PLEKHM3: variants seen among roughly 807,000 people sequenced by gnomAD.
The protein encoded by PLEKHM3 is pleckstrin homology domain-containing family M member 3.
PLEKHM3 carries 45 observed loss-of-function variants against 81.8 expected under a neutral mutation model. The ratio of observed to expected loss-of-function variants is 0.55; its 90% CI spans 0.43 to 0.71. The LOEUF (loss-of-function observed/expected upper bound fraction) is 0.71, where lower values mean the gene tolerates loss of function less well. PLEKHM3 is among the 30% of genes least tolerant of loss of function. PLEKHM3 has a pLI of 0.00. For missense variants in PLEKHM3, 788 were observed against 924.3 expected, an observed-to-expected ratio of 0.85 and a Z score of 1.91; for synonymous variants, 352 against 356.4, an observed-to-expected ratio of 0.99 and a Z score of 0.14.
At chr2:207,828,808 G>A (rs1421792784) in intron 7 of PLEKHM3, among the ~76,000 whole-genome samples, 1 of 152,180 alleles carries the variant, frequency 6.6e-6, no homozygotes, top group Non-Finnish European at 1.5e-5. Context: ...CATTGAGAAG[G>A]GAATTGGCAG....
At chr2:207,975,498 C>G (rs992376532) in intron 3 of PLEKHM3, among the ~76,000 whole-genome samples, 3 of 144,118 alleles carry the variant, frequency 2.1e-5, no homozygotes, top group African/African-American at 7.7e-5. Context: ...TTTAATGTCA[C>G]AAACTGTGGG....
intron 2 of PLEKHM3, among the ~76,000 whole-genome samples, chr2:207,978,186 C>A (rs1033616487): frequency 1.3e-5 from 2 of 149,542 alleles, no homozygotes; most frequent in East Asian, 3.9e-4. Context: ...CGTGCAACAT[C>A]AACGTGAGAT....
Position 208,001,238 on chromosome 2 carries a change from A to T in PLEKHM3, c.402T>A (p.Asn134Lys). The change falls in exon 2 of 8, where the codon AAT becomes AAA. Residue 134 changes from asparagine to lysine, a missense_variant. By Grantham distance (94) the Asn-to-Lys change is moderately conservative. Coordinates refer to ENST00000427836, the MANE Select transcript of PLEKHM3 (RefSeq NM_001080475.3). ...AAGTTGAGGTCTCATCCAGTAAGTC[A>T]TTTACAGAACGAGGCCGGTCCCTCC... Reference protein sequence around the residue: ...QRRRDRPRSVNDLLDETSTFK... With the variant: ...QRRRDRPRSVKDLLDETSTFK... The T allele has an allele frequency of 6.2e-7, 1 of 1,614,170 alleles. No homozygotes were observed. Among genetic ancestry groups the T allele is most frequent in the Non-Finnish European group, 8.5e-7 (1 of 1,180,020 alleles).
At chr2:207,891,713 GC>G (rs1688065552) in intron 6 of PLEKHM3, among the ~76,000 whole-genome samples, 1 of 152,110 alleles carries the variant, frequency 6.6e-6, no homozygotes, top group Non-Finnish European at 1.5e-5. Context: ...TGAACAGATA[GC>G]CCCCTTTTAG....
chr2:207,885,169 A>G (rs1687849924), intron 6 of PLEKHM3, among the ~76,000 whole-genome samples: 2 of 152,220 alleles, frequency 1.3e-5, no homozygotes, highest in Non-Finnish European at 2.9e-5. Context: ...TTTGGTCTGA[A>G]AGCTCTGACT....
chr2:207,985,050 T>C (rs530737377), intron 2 of PLEKHM3, among the ~76,000 whole-genome samples: 1 of 152,220 alleles, frequency 6.6e-6, no homozygotes, highest in East Asian at 1.9e-4. Context: ...TTAAGATAAT[T>C]AGGGGGTTCA....
chr2:207,919,844 A>G (rs1184307851), intron 5 of PLEKHM3, among the ~76,000 whole-genome samples: 1 of 152,116 alleles, frequency 6.6e-6, no homozygotes, highest in African/African-American at 2.4e-5. Flanking sequence ...AAGGAGGGGG[A>G]AGGCAGTCTT....
At chr2:207,956,515 C>A (rs1254596059) in intron 3 of PLEKHM3, among the ~76,000 whole-genome samples, 2 of 151,502 alleles carry the variant, frequency 1.3e-5, no homozygotes, top group Non-Finnish European at 2.9e-5. Flanking sequence ...GAGTTTGAAG[C>A]AGAGTAGCAA....
At chr2:207,848,963 T>C (rs1459937909) in intron 7 of PLEKHM3, among the ~76,000 whole-genome samples, 1 of 152,220 alleles carries the variant, frequency 6.6e-6, no homozygotes, top group Non-Finnish European at 1.5e-5. Context: ...TAAACCCTGT[T>C]AGAAGCTCAT....
intron 1 of PLEKHM3, among the ~76,000 whole-genome samples, chr2:208,012,720 G>T (rs1458140513): frequency 6.6e-6 from 1 of 152,236 alleles, no homozygotes; most frequent in Non-Finnish European, 1.5e-5. Flanking sequence ...CTGACTCAGG[G>T]CCTCTGTGCC....
intron 7 of PLEKHM3, among the ~76,000 whole-genome samples, chr2:207,846,956 A>T (rs2092386609): frequency 6.6e-6 from 1 of 152,164 alleles, no homozygotes; most frequent in Non-Finnish European, 1.5e-5. Context: ...AATAAATATC[A>T]ATTAGTTTTA....
intron 3 of PLEKHM3, among the ~76,000 whole-genome samples, chr2:207,971,948 G>A (rs1691135999): frequency 6.6e-6 from 1 of 152,174 alleles, no homozygotes; most frequent in South Asian, 2.1e-4. Flanking sequence ...TGAAAAATCT[G>A]CAATTTCACA....
At chr2:207,962,920 A>C (rs1323750839) in intron 3 of PLEKHM3, among the ~76,000 whole-genome samples, 1 of 118,046 alleles carries the variant, frequency 8.5e-6, no homozygotes, top group Non-Finnish European at 1.9e-5. Context: ...CTATAGTCAA[A>C]AATTAAAAAA....
chr2:207,918,839 T>A (rs887186282), intron 5 of PLEKHM3, among the ~76,000 whole-genome samples: 2 of 152,200 alleles, frequency 1.3e-5, no homozygotes, highest in Non-Finnish European at 2.9e-5. Context: ...TTTTGTAGCT[T>A]ACATCTAGCA....
At chr2:207,852,805 T>C (rs1001675345) in intron 7 of PLEKHM3, 6 of 447,964 alleles carry the variant, frequency 1.3e-5, no homozygotes, top group Admixed American at 7.4e-5. Context: ...CCACATATCC[T>C]TGTAATAAAT....
chr2:207,837,621 A>C (rs1481881780), intron 7 of PLEKHM3, among the ~76,000 whole-genome samples: 1 of 139,374 alleles, frequency 7.2e-6, no homozygotes, highest in Non-Finnish European at 1.5e-5. Context: ...ATAAAATTAC[A>C]ATAGTTCTCC....
intron 4 of PLEKHM3, among the ~76,000 whole-genome samples, chr2:207,934,064 T>C (rs1217467103): frequency 2.0e-5 from 3 of 152,170 alleles, no homozygotes; most frequent in Admixed American, 1.3e-4. Flanking sequence ...GGCATGAGGA[T>C]TGTACTCTCA....
In PLEKHM3 at chr2:207,829,428, C is replaced by G. The variant is rs186537608; in HGVS notation, c.2109-932G>C. On this transcript the variant is annotated intron_variant, in intron 7 of 7. Coordinates refer to ENST00000427836, the MANE Select transcript of PLEKHM3 (RefSeq NM_001080475.3). ...AGTAGTTGGGACTACAGGCACCCACCACCACACCTGGCTAATTTTTGTATT... is the reference window on the plus strand; with the variant it reads ...AGTAGTTGGGACTACAGGCACCCACGACCACACCTGGCTAATTTTTGTATT... Among the ~76,000 whole-genome samples, 11 of 152,210 alleles carry G rather than the reference C, an allele frequency of 7.2e-5. No homozygotes were observed. The East Asian group carries it at 1.9e-3, about 27-fold the overall frequency.
chr2:207,939,893 G>C (rs538415025), intron 4 of PLEKHM3, among the ~76,000 whole-genome samples: 1 of 152,284 alleles, frequency 6.6e-6, no homozygotes, highest in South Asian at 2.1e-4. Flanking sequence ...ATAAAGGCTT[G>C]GTTTTGCTAA....
Sources: allele counts gnomAD v4.1 joint callset (sites outside exome capture counted in the v4.1 genomes callset), GRCh38; gene constraint gnomAD v4.1.1; transcripts MANE v1.5; gene names NCBI Gene and HGNC (gene_info 2026-07-23, HGNC 2026-07-21).